MZF1: variants seen among roughly 807,000 people sequenced by gnomAD.
MZF1 encodes zinc finger and SCAN domain-containing protein 6.
Under a neutral mutation model 28.6 loss-of-function variants are expected in MZF1, and 24 were observed. The observed-to-expected ratio is 0.84, with a 90% confidence interval of 0.61 to 1.18. The LOEUF is 1.18. Ranked by LOEUF, MZF1 falls within the 50% of genes most tolerant of loss-of-function variation. The pLI is 0.00. For synonymous variants in MZF1, 516 were observed against 432.5 expected (o/e 1.19, Z -2.40); for missense variants, 1,166 against 1,026.4 (o/e 1.14, Z -1.86).
chr19:58,563,553 C>G, intron 5 of MZF1, 49 bp from the exon 6 acceptor site: 1 of 1,434,600 alleles, frequency 7.0e-7, no homozygotes, highest in Non-Finnish European at 9.3e-7. Context: ...CCCACCGTGC[C>G]GGGACCCACT....
rs2053962550 is a variant in MZF1 at position 58,562,947 on chromosome 19, C to G, written c.1330G>C (p.Glu444Gln). Residue 444 changes from glutamate to glutamine, a missense_variant, in exon 6 of 6, where the codon GAG becomes CAG. Coordinates refer to ENST00000215057, the MANE Select transcript of MZF1 (RefSeq NM_198055.2). ...HTGEQPFRCA[E>Q]CGQSFRQRSN... ...CGCTGCCGGAAGCTCTGGCCGCACT[C>G]AGCGCAACGGAAAGGCTGTTCGCCC... 1 of 1,598,694 alleles carries G rather than the reference C, an allele frequency of 6.3e-7. No individual in the cohort carries two copies.
chr19:58,569,379 C>CCAGCACGTGCTGATTT lies in MZF1; in HGVS notation c.669_670insAAATCAGCACGTGCTG (p.Asp224LysfsTer17), dbSNP rs1320781187. On this transcript the variant is annotated frameshift_variant, in exon 5 of 6. Transcript: ENST00000215057. LOFTEE classifies it high-confidence loss of function. ...GTCTTGCTGTGGGGAAAGATCTGGT[C>CCAGCACGTGCTGATTT]CAGCACGGTCCCACATCTCTGAAAT... 1.2e-6 allele frequency: 2 copies of CCAGCACGTGCTGATTT among 1,613,992 alleles called. No individual in the cohort carries two copies. Among genetic ancestry groups the CCAGCACGTGCTGATTT allele is most frequent in the South Asian group, 2.2e-5 (2 of 91,064 alleles).
chr19:58,562,928 C>G lies in MZF1; in HGVS notation c.1349G>C (p.Arg450Pro). ...GTGCTGCAGCAGATTGGAGCGCTGC[C>G]GGAAGCTCTGGCCGCACTCAGCGCA... ...FRCAECGQSF[R>P]QRSNLLQHQR... is the part of the protein sequence containing the mutation. Residue 450 changes from arginine (R) to proline (P), a missense_variant, in exon 6 of 6, where the codon CGG becomes CCG. Arg to Pro is a moderately radical substitution (Grantham distance 103, BLOSUM62 -2). Coordinates refer to ENST00000215057, the MANE Select transcript of MZF1 (RefSeq NM_198055.2). 1 of 1,595,410 alleles carries G rather than the reference C, an allele frequency of 6.3e-7. No individual in the cohort carries two copies. Among genetic ancestry groups the G allele is most frequent in the East Asian group, 2.2e-5 (1 of 44,684 alleles).
Position 58,562,972 on chromosome 19 carries a change from C to A in MZF1, c.1305G>T (p.Thr435=), listed in dbSNP as rs775905193. The part of the protein sequence containing the change: ...ARLEEHRRVH[T]GEQPFRCAEC... ...CAGCGCAACGGAAAGGCTGTTCGCC[C>A]GTGTGCACTCTCCGATGCTCTTCCA... The change falls in exon 6 of 6, where the codon ACG becomes ACT. Residue 435 remains threonine (T), a synonymous_variant. Coordinates refer to ENST00000215057, the MANE Select transcript of MZF1 (RefSeq NM_198055.2). 1.9e-6 allele frequency: 3 copies of A among 1,601,898 alleles called. No individual in the cohort carries two copies. The highest frequency in any genetic ancestry group is 2.5e-6 in the Non-Finnish European group (3 of 1,179,560).
intron 4 of MZF1, 50 bp from the exon 5 acceptor site, chr19:58,569,447 G>A: frequency 1.1e-5 from 18 of 1,613,922 alleles, no homozygotes; most frequent in Non-Finnish European, 1.5e-5. Flanking sequence ...GGCTCAGGGA[G>A]GGACCTACCT....
chr19:58,562,693 C>T lies in MZF1; in HGVS notation c.1584G>A (p.Leu528=), dbSNP rs61731801. 1.9e-3 allele frequency: 2,958 copies of T among 1,537,444 alleles called. 5 individuals are homozygous for T. The highest frequency in any genetic ancestry group is 2.5e-3 in the Non-Finnish European group (2,851 of 1,147,964). ...CACTGTGCACGCGCCGGTGCTGCAG[C>T]AGCACTGAGCGGCGGCCGAAGCGCT... ...CGERFGRRSV[L]LQHRRVHSGE... is the part of the protein sequence containing the mutation. Residue 528 remains leucine (L), a synonymous_variant, in exon 6 of 6, where the codon CTG becomes CTA. Transcript: ENST00000215057.
chr19:58,562,855 G>A lies in MZF1; in HGVS notation c.1422C>T (p.Ala474=). Residue 474 remains alanine (A), a synonymous_variant, in exon 6 of 6, where the codon GCC becomes GCT. Coordinates refer to ENST00000215057, the MANE Select transcript of MZF1 (RefSeq NM_198055.2). Reference sequence around the variant, plus strand: ...CGGGAGGCTCGGGCGCACCAGGAGGGGCCGGGGGCTTAGCGCCAGGGCCCG... The same window carrying A: ...CGGGAGGCTCGGGCGCACCAGGAGGAGCCGGGGGCTTAGCGCCAGGGCCCG... ...DPPGPGAKPP[A]PPGAPEPPGP... 6.5e-7 allele frequency: 1 copy of A among 1,541,842 alleles called. No individual in the cohort carries two copies. Among genetic ancestry groups the A allele is most frequent in the Non-Finnish European group, 8.7e-7 (1 of 1,149,948 alleles).
In MZF1 at chr19:58,570,515, C is replaced by T. The variant is rs777638367; in HGVS notation, c.409G>A (p.Val137Met). 1.2e-6 allele frequency: 2 copies of T among 1,612,694 alleles called. No individual in the cohort carries two copies. Among genetic ancestry groups the T allele is most frequent in the East Asian group, 4.5e-5 (2 of 44,882 alleles). ...GGPRRWVTVQVQGQEVLSEKM... is the reference protein window; with the variant it reads ...GGPRRWVTVQMQGQEVLSEKM... ...TCTGATAGGACCTCCTGGCCCTGCA[C>T]CTGGACTGTGACCTGGGGAGGTGCC... Residue 137 changes from valine to methionine, a missense_variant, in exon 3 of 6, where the codon GTG becomes ATG. Coordinates refer to ENST00000215057, the MANE Select transcript of MZF1 (RefSeq NM_198055.2).
chr19:58,572,830 C>CTTTTTTAAT, intron 1 of MZF1: 1 of 328,076 alleles, frequency 3.0e-6, no homozygotes, highest in Non-Finnish European at 6.1e-6. Context: ...CAAGGTAGGT[C>CTTTTTTAAT]CAGACGACGC....
chr19:58,572,687 C>T, intron 1 of MZF1: 1 of 1,225,090 alleles, frequency 8.2e-7, no homozygotes, highest in Non-Finnish European at 1.1e-6. Context: ...GGCCAAGCCT[C>T]CACTCTTCAA....
At chr19:58,572,528 C>T in intron 1 of MZF1, 1 of 1,287,842 alleles carries the variant, frequency 7.8e-7, no homozygotes, top group Non-Finnish European at 1.0e-6. Context: ...AACTTGTTTC[C>T]CCATTTGCAA....
chr19:58,571,270 A>C lies in MZF1; in HGVS notation c.120T>G (p.Pro40=). The C allele has an allele frequency of 6.2e-7, 1 of 1,613,398 alleles. No homozygotes were observed. Among genetic ancestry groups the C allele is most frequent in the Non-Finnish European group, 8.5e-7 (1 of 1,179,644 alleles). Residue 40 remains proline (P), a synonymous_variant, in exon 2 of 6, where the codon CCT becomes CCG. Transcript: ENST00000215057. Reference sequence around the variant, plus strand: ...ACCGGAAACGCAGGCGTGCAGCTTCAGGGCCTGGGTCCCATAAGGCAGCCT... The same window carrying C: ...ACCGGAAACGCAGGCGTGCAGCTTCCGGGCCTGGGTCCCATAAGGCAGCCT... ...EGEAALWDPG[P]EAARLRFRCF... is the part of the protein sequence containing the mutation.
intron 4 of MZF1, 35 bp downstream of exon 4, chr19:58,569,481 G>A: frequency 1.9e-6 from 3 of 1,613,138 alleles, no homozygotes; most frequent in South Asian, 1.1e-5. Flanking sequence ...AACTTCCAGG[G>A]AAAGGAGGAG....
chr19:58,569,611 C>A (rs2054120051), intron 3 of MZF1, 25 bp from the exon 4 acceptor site: 1 of 1,568,518 alleles, frequency 6.4e-7, no homozygotes, highest in Non-Finnish European at 8.7e-7. Flanking sequence ...TGGTATCAGG[C>A]AGCCTGAGTG....
At chr19:58,563,608 C>T in intron 5 of MZF1, 104 bp from the exon 6 acceptor site, 1 of 962,126 alleles carries the variant, frequency 1.0e-6, no homozygotes, top group Non-Finnish European at 1.5e-6. Context: ...CTGAAACTGA[C>T]CAAAGAGGCA....
Position 58,562,574 on chromosome 19 carries a change from G to A in MZF1, c.1703C>T (p.Pro568Leu). 1 of 1,596,494 alleles carries A rather than the reference G, an allele frequency of 6.3e-7. No individual in the cohort carries two copies. The highest frequency in any genetic ancestry group is 8.5e-7 in the Non-Finnish European group (1 of 1,173,766). ...CTTGCCACACTCGGCGCAGGCGAAG[G>A]GCCGCTCCCCGGTGTGGATGCGCCG... ...QHRRIHTGERPFACAECGKAF... is the reference protein window; with the variant it reads ...QHRRIHTGERLFACAECGKAF... The change falls in exon 6 of 6, where the codon CCC becomes CTC. Residue 568 changes from proline (P) to leucine (L), a missense_variant. Physicochemically the swap from Pro to Leu is moderately conservative, Grantham distance 98 (BLOSUM62 -3). Coordinates refer to ENST00000215057, the MANE Select transcript of MZF1 (RefSeq NM_198055.2).
intron 1 of MZF1, chr19:58,572,622 C>G: frequency 2.3e-6 from 3 of 1,289,620 alleles, no homozygotes; most frequent in Non-Finnish European, 3.0e-6. Flanking sequence ...GGGATGGCAC[C>G]GCAGAATCAT....
intron 3 of MZF1, 149 bp downstream of exon 3, chr19:58,570,195 T>C: frequency 1.2e-6 from 1 of 834,284 alleles, no homozygotes; most frequent in Non-Finnish European, 1.8e-6. Flanking sequence ...AGGGGAGACC[T>C]GACTGGGTAG....
intron 5 of MZF1, among the ~76,000 whole-genome samples, chr19:58,565,690 G>A (rs1176284962): frequency 4.0e-5 from 6 of 150,464 alleles, no homozygotes; most frequent in African/African-American, 9.8e-5. Context: ...CCGCCACCAC[G>A]CCTGACTAAT....
Sources: gnomAD v4.1 joint callset for allele counts (sites outside exome capture counted in the v4.1 genomes callset) on GRCh38, gnomAD v4.1.1 for gene constraint, MANE v1.5 for transcripts, NCBI Gene and HGNC (gene_info 2026-07-23, HGNC 2026-07-21) for gene names.